UST: variants seen among roughly 807,000 people sequenced by gnomAD.
UST encodes chondroitin sulfate 2-O-sulfotransferase.
Under a neutral mutation model 45.6 loss-of-function variants are expected in UST, and 21 were observed. That is an observed-to-expected ratio of 0.46 (90% CI 0.33 to 0.66). The LOEUF is 0.66. UST is among the 30% of genes least tolerant of loss of function. The pLI, the probability that UST is intolerant of heterozygous loss-of-function variation, is 0.02. For synonymous variants in UST, 215 were observed against 200.6 expected (o/e 1.07, Z -0.61); for missense variants, 463 against 512.4 (o/e 0.90, Z 0.93).
intron 5 of UST, among the ~76,000 whole-genome samples, chr6:148,989,221 C>CT (rs144884783): frequency 0.16 from 20,957 of 128,312 alleles, 2,104 homozygotes; most frequent in Non-Finnish European, 0.22. Context: ...CCCCCCCCAC[C>CT]CCCCGCAAAT....
chr6:148,960,949 G>A (rs781294006), intron 4 of UST, among the ~76,000 whole-genome samples: 1 of 152,174 alleles, frequency 6.6e-6, no homozygotes, highest in African/African-American at 2.4e-5. Flanking sequence ...TGTGGAAGAG[G>A]TGACTAATAT....
chr6:149,061,163 G>A (rs139155730), intron 7 of UST, among the ~76,000 whole-genome samples: 17 of 152,164 alleles, frequency 1.1e-4, no homozygotes, highest in Non-Finnish European at 2.2e-4. Context: ...TCTGTCCTCC[G>A]GTGCAGCAGC....
rs574475719 is a variant in UST at position 149,037,641 on chromosome 6, T to G, written c.937+16160T>G. 3.9e-5 allele frequency among the ~76,000 whole-genome samples: 6 copies of G among 152,298 alleles called. No individual in the cohort carries two copies. The East Asian group carries it at 9.7e-4, about 25-fold the overall frequency. On this transcript the variant is annotated intron_variant, in intron 7 of 7. Transcript: ENST00000367463. ...CACAGCCAAGCACCGCGACTCAAAG[T>G]GTGGTCCACGGACCGGTGCCAGTCC...
intron 1 of UST, among the ~76,000 whole-genome samples, chr6:148,877,354 G>GT (rs1338812514): frequency 1.1e-5 from 1 of 95,166 alleles, no homozygotes; most frequent in African/African-American, 4.2e-5. Flanking sequence ...ATGTATGAGT[G>GT]CAGAGATCGT....
At chr6:148,838,221 G>C (rs755185689) in intron 1 of UST, among the ~76,000 whole-genome samples, 1 of 152,196 alleles carries the variant, frequency 6.6e-6, no homozygotes, top group Non-Finnish European at 1.5e-5. Context: ...CCTGAGGGCG[G>C]GGTGAGAGGG....
intron 1 of UST, among the ~76,000 whole-genome samples, chr6:148,829,836 A>G (rs953974510): frequency 6.6e-6 from 1 of 152,132 alleles, no homozygotes; most frequent in South Asian, 2.1e-4. Flanking sequence ...GTATTTCTCT[A>G]CTTGCTTTGG....
At chr6:148,854,835 G>C (rs1377052941) in intron 1 of UST, among the ~76,000 whole-genome samples, 1 of 152,190 alleles carries the variant, frequency 6.6e-6, no homozygotes, top group Non-Finnish European at 1.5e-5. Flanking sequence ...TTGCATTGTA[G>C]TGGATATTAA....
intron 5 of UST, 84 bp from the exon 6 acceptor site, chr6:149,019,055 C>T: frequency 9.7e-7 from 1 of 1,030,462 alleles, no homozygotes; most frequent in Non-Finnish European, 1.5e-6. Flanking sequence ...GTAATTCAAT[C>T]ATGAATTTTA....
chr6:148,814,036 G>A (rs1276758644), intron 1 of UST, among the ~76,000 whole-genome samples: 1 of 152,130 alleles, frequency 6.6e-6, no homozygotes, highest in East Asian at 1.9e-4. Context: ...TTTACACGAT[G>A]CACTTTCCAT....
At chr6:148,813,527 G>A (rs866074429) in intron 1 of UST, among the ~76,000 whole-genome samples, 22 of 152,028 alleles carry the variant, frequency 1.4e-4, no homozygotes, top group Middle Eastern at 6.8e-3. Flanking sequence ...GATTACAGGC[G>A]CCTGCCACCG....
At chr6:148,807,933 CAACAAGACACCGCCTTGTTCATAG>C (rs2114725943) in intron 1 of UST, among the ~76,000 whole-genome samples, 1 of 152,282 alleles carries the variant, frequency 6.6e-6, no homozygotes, top group Non-Finnish European at 1.5e-5. Flanking sequence ...CAGGAAGTAG[CAACAAGACACCGCCTTGTTCATAG>C]AACTGAACTT....
intron 2 of UST, among the ~76,000 whole-genome samples, chr6:148,937,579 C>G (rs992811): frequency 0.35 from 53,884 of 152,010 alleles, 10,019 homozygotes; most frequent in South Asian, 0.46. Flanking sequence ...TGCTGATTAC[C>G]CAAACAATTC....
intron 5 of UST, among the ~76,000 whole-genome samples, chr6:149,010,895 C>CAAA (rs1172538648): frequency 7.6e-5 from 5 of 65,596 alleles, no homozygotes; most frequent in East Asian, 4.2e-4. Flanking sequence ...CCGTCTCAAC[C>CAAA]AAAAAAAAAA....
chr6:148,771,266 G>A (rs1776419324), intron 1 of UST, among the ~76,000 whole-genome samples: 2 of 152,204 alleles, frequency 1.3e-5, no homozygotes, highest in African/African-American at 2.4e-5. Flanking sequence ...TATTGAGTAA[G>A]GCAGATTTAT....
intron 2 of UST, among the ~76,000 whole-genome samples, chr6:148,936,365 G>A (rs571069557): frequency 5.9e-5 from 9 of 152,158 alleles, no homozygotes; most frequent in African/African-American, 1.4e-4. Flanking sequence ...TGTGATCCAC[G>A]GGGAGTATGG....
At chr6:148,761,724 G>A (rs1042901397) in intron 1 of UST, among the ~76,000 whole-genome samples, 1 of 152,238 alleles carries the variant, frequency 6.6e-6, no homozygotes, top group Admixed American at 6.5e-5. Flanking sequence ...CCCGGGGATT[G>A]TGGTGTGGTC....
At chr6:149,056,085 T>TTAACTCTGTA (rs1333951811) in intron 7 of UST, among the ~76,000 whole-genome samples, 2 of 151,684 alleles carry the variant, frequency 1.3e-5, no homozygotes, top group Non-Finnish European at 2.9e-5. Context: ...TATCAAACAT[T>TTAACTCTGTA]TAACTCTGTT....
intron 1 of UST, among the ~76,000 whole-genome samples, chr6:148,861,572 T>A (rs1778313806): frequency 6.6e-6 from 1 of 152,218 alleles, no homozygotes. Flanking sequence ...CTTCTCTAGT[T>A]CTTTTAATTG....
intron 1 of UST, among the ~76,000 whole-genome samples, chr6:148,785,720 A>G (rs530456027): frequency 1.3e-5 from 2 of 152,370 alleles, no homozygotes; most frequent in East Asian, 3.9e-4. Flanking sequence ...ATATTTCTAT[A>G]TATTTTGTGG....
Sources: allele counts gnomAD v4.1 joint callset (sites outside exome capture counted in the v4.1 genomes callset), GRCh38; gene constraint gnomAD v4.1.1; transcripts MANE v1.5; gene names NCBI Gene and HGNC (gene_info 2026-07-23, HGNC 2026-07-21).